The following TRIM59 variants were observed in gnomAD, a reference collection of about 807,000 sequenced individuals.
TRIM59 encodes the protein tripartite motif-containing protein 59.
TRIM59 carries 14 observed loss-of-function variants against 32.2 expected under a neutral mutation model. The observed-to-expected ratio is 0.43, with a 90% CI of 0.29 to 0.68. TRIM59 has a LOEUF of 0.68. TRIM59 is among the 30% of genes least tolerant of loss of function. TRIM59 has a pLI of 0.15. For missense variants in TRIM59, 471 were observed against 463.3 expected (o/e 1.02, Z -0.15); for synonymous variants, 163 against 155.1 (o/e 1.05, Z -0.38).
chr3:160,446,905 C>A (rs1719565225), intron 2 of TRIM59, among the ~76,000 whole-genome samples: 1 of 152,080 alleles, frequency 6.6e-6, no homozygotes, highest in Non-Finnish European at 1.5e-5. Context: ...CAAAACCATG[C>A]ACCACCCACC....
rs1043794417 is a variant in TRIM59 at position 160,435,816 on chromosome 3, A to G, written c.*2156T>C. 1.4e-5 allele frequency: 8 copies of G among 569,956 alleles called. No homozygotes were observed. The highest frequency in any genetic ancestry group is 1.8e-5 in the Non-Finnish European group (6 of 335,216). The allele number at this position is 569,956 out of a possible 1,614,324, so 35.3% of individuals were successfully genotyped here. On this transcript the variant is annotated 3_prime_UTR_variant, in exon 3 of 3. Transcript: ENST00000309784. ...GCCTACTTTAAAGTTGAGTGATAGC[A>G]TGAACTCTGAAAAGAGAATGCATGG...
At chr3:160,449,522 G>A in intron 1 of TRIM59, 195 bp downstream of exon 1, 1 of 1,245,128 alleles carries the variant, frequency 8.0e-7, no homozygotes, top group Non-Finnish European at 1.0e-6. Flanking sequence ...GCTCCACAGT[G>A]GAGGGACGGG....
rs749903842 is a variant in TRIM59 at position 160,438,445 on chromosome 3, G to C, written c.739C>G (p.Pro247Ala). The C allele has an allele frequency of 1.2e-6, 2 of 1,613,968 alleles. No individual in the cohort carries two copies. The highest frequency in any genetic ancestry group is 4.5e-5 in the East Asian group (2 of 44,860). Reference protein sequence around the residue: ...ALTISLQEESPLKFLEKVDDV... With the variant: ...ALTISLQEESALKFLEKVDDV... ...TCAACTTTTTCAAGAAATTTAAGTG[G>C]AGACTCTTCTTGTAAAGATATTGTC... The change falls in exon 3 of 3, where the codon CCA (proline) becomes GCA (alanine). Residue 247 changes from proline to alanine, a missense_variant. Coordinates refer to ENST00000309784, the MANE Select transcript of TRIM59 (RefSeq NM_173084.3).
chr3:160,448,994 C>T (rs1481562947), intron 1 of TRIM59, 199 bp from the exon 2 acceptor site: 10 of 290,972 alleles, frequency 3.4e-5, no homozygotes, highest in Non-Finnish European at 5.3e-5. Flanking sequence ...TCTGACCAAA[C>T]AGACTGTCAC....
chr3:160,435,813 AG>A lies in TRIM59; in HGVS notation c.*2158del. 1.8e-6 allele frequency: 1 copy of A among 549,742 alleles called. No homozygotes were observed. The highest frequency in any genetic ancestry group is 6.9e-5 in the East Asian group (1 of 14,568). The allele number at this position is 549,742 out of a possible 1,614,324, so 34.1% of individuals were successfully genotyped here. A position where few individuals can be genotyped will look rare whatever the true frequency, so the allele number is the denominator to read the frequency against. ...TTGGCCTACTTTAAAGTTGAGTGAT[AG>A]CATGAACTCTGAAAAGAGAATGCAT... On this transcript the variant is annotated 3_prime_UTR_variant, in exon 3 of 3. Coordinates refer to ENST00000309784, the MANE Select transcript of TRIM59 (RefSeq NM_173084.3).
In TRIM59 at chr3:160,436,284, C is replaced by CT. The variant is rs1479636181; in HGVS notation, c.*1687dup. 1.0e-6 allele frequency: 1 copy of CT among 987,748 alleles called. No individual in the cohort carries two copies. The highest frequency in any genetic ancestry group is 4.7e-5 in the South Asian group (1 of 21,488). 61.2% of individuals were successfully genotyped at this position (987,748 alleles called of 1,614,324 possible). On this transcript the variant is annotated 3_prime_UTR_variant, in exon 3 of 3. Transcript: ENST00000309784. The stretch of plus-strand genomic sequence containing the variant: ...CAATCTGTAGGGCCAGGAGCATAGT[C>CT]TAATCTGACCCAGAATGTCTTTTTG...
rs1718920198 is a variant in TRIM59, at chr3:160,435,969, A to G, written c.*2003T>C. On this transcript the variant is annotated 3_prime_UTR_variant, in exon 3 of 3. Transcript: ENST00000309784. ...TTTAACACATAATGGCTAACATTTC[A>G]TTGCTTACGTGTTTTTGAAACTACA... 8.6e-6 allele frequency: 11 copies of G among 1,277,194 alleles called. No individual in the cohort carries two copies. The Admixed American group carries it at 1.7e-4, about 20-fold the overall frequency. The allele number at this position is 1,277,194 out of a possible 1,614,324, so 79.1% of individuals were successfully genotyped here.
At chr3:160,446,391 G>A (rs1202100016) in intron 2 of TRIM59, among the ~76,000 whole-genome samples, 5 of 151,660 alleles carry the variant, frequency 3.3e-5, no homozygotes, top group Middle Eastern at 3.4e-3. Context: ...TACAATGTTA[G>A]CAAAAACAAA....
In TRIM59 at chr3:160,436,588, G is replaced by C; in HGVS notation, c.*1384C>G. 1 of 887,582 alleles carries C rather than the reference G, an allele frequency of 1.1e-6. No individual in the cohort carries two copies. 55.0% of individuals were successfully genotyped at this position (887,582 alleles called of 1,614,324 possible). ...CTGAGGCGAGTGGATCATGAGGTCA[G>C]GAGATAGAGACCATCCTGGCTAACA... On this transcript the variant is annotated 3_prime_UTR_variant, in exon 3 of 3. Transcript: ENST00000309784.
rs1560022786 is a variant in TRIM59 at position 160,437,177 on chromosome 3, C to T, written c.*795G>A. ...GACCAACCTGGGCAATATGGCAAAA[C>T]CTCGTTTCTACAAAAAACAATTTTT... is the stretch of plus-strand genomic sequence containing the variant. On this transcript the variant is annotated 3_prime_UTR_variant, in exon 3 of 3. Transcript: ENST00000309784. 1 of 705,100 alleles carries T rather than the reference C, an allele frequency of 1.4e-6. No individual in the cohort carries two copies. The highest frequency in any genetic ancestry group is 1.7e-6 in the Non-Finnish European group (1 of 574,398). 43.7% of individuals were successfully genotyped at this position (705,100 alleles called of 1,614,324 possible).
chr3:160,444,139 T>C (rs1293694228), intron 2 of TRIM59, among the ~76,000 whole-genome samples: 2 of 152,106 alleles, frequency 1.3e-5, no homozygotes, highest in African/African-American at 4.8e-5. Flanking sequence ...CAAAATTATA[T>C]TGAGGGGGAA....
At chr3:160,445,351 G>A (rs954599793) in intron 2 of TRIM59, among the ~76,000 whole-genome samples, 7 of 152,094 alleles carry the variant, frequency 4.6e-5, no homozygotes, top group African/African-American at 9.7e-5. Flanking sequence ...GGGAGGTCCA[G>A]GCTGCAATGA....
rs1230922933 is a variant in TRIM59 at position 160,436,413 on chromosome 3, AGTC to A, written c.*1556_*1558del. The A allele has an allele frequency of 1.0e-6, 1 of 985,856 alleles. No homozygotes were observed. The highest frequency in any genetic ancestry group is 1.7e-5 in the African/African-American group (1 of 57,238). 61.1% of individuals were successfully genotyped at this position (985,856 alleles called of 1,614,324 possible). A position where few individuals can be genotyped will look rare whatever the true frequency, so the allele number is the denominator to read the frequency against. ...AGAGTTGCATGGACAGTGGGCCAAA[AGTC>A]GTAACACATGCATCATAACTCCAGT... On this transcript the variant is annotated 3_prime_UTR_variant, in exon 3 of 3. Transcript: ENST00000309784.
rs993253906 is a variant in TRIM59, at chr3:160,438,488, C to G, written c.696G>C (p.Gln232His). The G allele has an allele frequency of 6.2e-7, 1 of 1,613,112 alleles. No individual in the cohort carries two copies. Residue 232 changes from glutamine (Q) to histidine (H), a missense_variant, in exon 3 of 3, where the codon CAG (glutamine) becomes CAC (histidine). Coordinates refer to ENST00000309784, the MANE Select transcript of TRIM59 (RefSeq NM_173084.3). ...ATATTGTCAGTGCCATTAATTCAAG[C>G]TGCTGCTCTCGTATTTCCTTCATTC... ...IERMKEIREQ[Q>H]LELMALTISL...
chr3:160,442,543 C>CT (rs571388021), intron 2 of TRIM59, among the ~76,000 whole-genome samples: 3 of 150,808 alleles, frequency 2.0e-5, no homozygotes, highest in Admixed American at 1.3e-4. Context: ...GAGCAAGACT[C>CT]TGTCTCAAAA....
Position 160,438,573 on chromosome 3 carries a change from A to G in TRIM59, c.611T>C (p.Leu204Pro). The change falls in exon 3 of 3, where the codon CTA becomes CCA. Residue 204 changes from leucine (L) to proline (P), a missense_variant. Leu to Pro is a moderately conservative substitution (Grantham distance 98). Transcript: ENST00000309784. ...ATTGCCAACATCACAGAGAGCCGTT[A>G]GGAAACTTTTTTTTTTCTGTTCTAA... The part of the protein sequence containing the change: ...DTLEQKKKSF[L>P]TALCDVGNLI... 1.2e-6 allele frequency: 2 copies of G among 1,611,576 alleles called. No individual in the cohort carries two copies. The highest frequency in any genetic ancestry group is 1.7e-6 in the Non-Finnish European group (2 of 1,179,446).
chr3:160,436,518 G>A lies in TRIM59; in HGVS notation c.*1454C>T. 1 of 985,696 alleles carries A rather than the reference G, an allele frequency of 1.0e-6. No homozygotes were observed. The highest frequency in any genetic ancestry group is 1.2e-6 in the Non-Finnish European group (1 of 830,022). The allele number at this position is 985,696 out of a possible 1,614,324, so 61.1% of individuals were successfully genotyped here. A position where few individuals can be genotyped will look rare whatever the true frequency, so the allele number is the denominator to read the frequency against. ...AGCTAATAAAAGATTAAGTTGTTGGGCCGGGCGTGGCGGCTCACGCCTATA... is the reference window on the plus strand; with the variant it reads ...AGCTAATAAAAGATTAAGTTGTTGGACCGGGCGTGGCGGCTCACGCCTATA... On this transcript the variant is annotated 3_prime_UTR_variant, in exon 3 of 3. Transcript: ENST00000309784.
chr3:160,438,362 G>A lies in TRIM59; in HGVS notation c.822C>T (p.Pro274=), dbSNP rs147827891. ...TGCTTACTCGAGGATAAATTTCAAC[G>A]GGTTGAACCTCAGGAAGTGGTCTTT... ...LKQRPLPEVQ[P]VEIYPRVSKI... Residue 274 remains proline, a synonymous_variant, in exon 3 of 3, where the codon CCC becomes CCT. Transcript: ENST00000309784. 259 of 1,613,454 alleles carry A rather than the reference G, an allele frequency of 1.6e-4. No homozygotes were observed. The highest frequency in any genetic ancestry group is 1.3e-3 in the African/African-American group (98 of 74,982).
chr3:160,449,392 C>G (rs1577022346), intron 1 of TRIM59: 1 of 808,460 alleles, frequency 1.2e-6, no homozygotes, highest in Non-Finnish European at 1.6e-6. Flanking sequence ...AGGCCTCCCT[C>G]CTAACGCGCC....
Sources: allele counts gnomAD v4.1 joint callset (sites outside exome capture counted in the v4.1 genomes callset), GRCh38; gene constraint gnomAD v4.1.1; transcripts MANE v1.5; gene names NCBI Gene and HGNC (gene_info 2026-07-23, HGNC 2026-07-21).